Variants in ALPG observed in about 807,000 individuals in gnomAD.
The protein encoded by ALPG is alkaline phosphatase, germ cell type.
In ALPG, 32 loss-of-function variants were observed where a neutral mutation model predicts 48.6. The observed-to-expected ratio is 0.66, with a 90% CI of 0.50 to 0.88. The LOEUF (loss-of-function observed/expected upper bound fraction) is 0.88. ALPG is among the 40% of genes least tolerant of loss of function. The probability of loss-of-function intolerance (pLI) is 0.00; values close to 1 mark genes in which losing one functional copy is unlikely to be tolerated. For missense variants in ALPG, 533 were observed against 718.1 expected, an observed-to-expected ratio of 0.74 and a Z score of 2.95; for synonymous variants, 244 against 308.9, an observed-to-expected ratio of 0.79 and a Z score of 2.20.
At position 232,409,562 on chromosome 2, in the gene ALPG, C is replaced by G. The variant is rs370629663; in HGVS notation, c.1301-12C>G. The G allele has an allele frequency of 1.1e-5, 17 of 1,612,424 alleles. No individual in the cohort carries two copies. In the Admixed American group the frequency reaches 2.0e-4, roughly 19 times the overall value. On this transcript the variant is annotated splice_polypyrimidine_tract_variant and intron_variant, in intron 10 of 10. Transcript: ENST00000295453. ...ACTGAAACTTCCTACTGAAACTGAA[C>G]CCTCCAACCAGGGAGCCCCGAGTAT... is the stretch of plus-strand genomic sequence containing the variant.
At position 232,409,445 on chromosome 2, in the gene ALPG, A is replaced by C. The variant is rs1244697248; in HGVS notation, c.1297A>C (p.Ser433Arg). The C allele has an allele frequency of 6.8e-7, 1 of 1,469,652 alleles. No homozygotes were observed. The allele number at this position is 1,469,652 out of a possible 1,614,324, so 91.0% of individuals were successfully genotyped here. Residue 433 changes from serine to arginine, a missense_variant, in exon 10 of 11, where the codon AGC becomes CGC. Ser to Arg is a moderately radical substitution (Grantham distance 110). Transcript: ENST00000295453. ...GARPDVTESE[S>R]GSPEYRQQSA... ...CCGGCCGGATGTTACGGAGAGCGAG[A>C]GCGGTGAGTGCCGTGGGGTGGCCCC... is the stretch of plus-strand genomic sequence containing the variant.
intron 5 of ALPG, 35 bp from the exon 6 acceptor site, chr2:232,408,232 C>T (rs76299057): frequency 5.0e-6 from 8 of 1,607,632 alleles, no homozygotes; most frequent in Admixed American, 1.7e-5. Flanking sequence ...GCCAGCCAGG[C>T]CCCCAAATCC....
rs1697153546 is a variant in ALPG at position 232,409,654 on chromosome 2, C to T, written c.1381C>T (p.Arg461Cys). ...HAGEDVAVFA[R>C]GPQAHLVHGV... ...AGGCGAGGACGTGGCGGTGTTCGCG[C>T]GCGGCCCGCAGGCGCACCTGGTTCA... The change falls in exon 11 of 11, where the codon CGC becomes TGC. Residue 461 changes from arginine to cysteine, a missense_variant. Physicochemically the swap from Arg to Cys is radical, Grantham distance 180 (BLOSUM62 -3). This residue lies in a region of ALPG where 145 missense variants were observed against 174.3 expected (regional missense o/e 0.83). Coordinates refer to ENST00000295453, the MANE Select transcript of ALPG (RefSeq NM_031313.3). 1.2e-6 allele frequency: 2 copies of T among 1,611,942 alleles called. No individual in the cohort carries two copies. The highest frequency in any genetic ancestry group is 1.7e-6 in the Non-Finnish European group (2 of 1,179,426).
chr2:232,409,966 C>T lies in ALPG; in HGVS notation c.*94C>T, dbSNP rs1130348. 4.8e-5 allele frequency: 69 copies of T among 1,448,692 alleles called. No individual in the cohort carries two copies. The highest frequency in any genetic ancestry group is 1.0e-4 in the South Asian group (7 of 69,306). 89.7% of individuals were successfully genotyped at this position (1,448,692 alleles called of 1,614,324 possible). On this transcript the variant is annotated 3_prime_UTR_variant, in exon 11 of 11. Transcript: ENST00000295453. ...GCCGGACCTCCACCTGGAGCTGTCACCCCCGGAGTCGCCACACAGACGTCC... is the reference window on the plus strand; with the variant it reads ...GCCGGACCTCCACCTGGAGCTGTCATCCCCGGAGTCGCCACACAGACGTCC...
chr2:232,409,364 G>T lies in ALPG; in HGVS notation c.1216G>T (p.Ala406Ser). The T allele has an allele frequency of 1.3e-6, 2 of 1,593,050 alleles. No individual in the cohort carries two copies. Among genetic ancestry groups the T allele is most frequent in the East Asian group, 4.5e-5 (2 of 44,290 alleles). The change falls in exon 10 of 11, where the codon GCC (alanine) becomes TCC (serine). Residue 406 changes from alanine (A) to serine (S), a missense_variant. This residue lies in a region of ALPG where 11 missense variants were observed against 29.7 expected (regional missense o/e 0.37). Transcript: ENST00000295453. ...LAPGKARDRKAYTVLLYGNGP... is the reference protein window; with the variant it reads ...LAPGKARDRKSYTVLLYGNGP... ...CCCTGGCAAGGCCCGGGACAGGAAG[G>T]CCTACACGGTCCTCCTATACGGAAA...
In ALPG at chr2:232,407,922, C is replaced by A. The variant is rs749719597; in HGVS notation, c.553C>A (p.Arg185Ser). The change falls in exon 5 of 11, where the codon CGC becomes AGC. Residue 185 changes from arginine (R) to serine (S), a missense_variant. Physicochemically the swap from Arg to Ser is moderately radical, Grantham distance 110. Coordinates refer to ENST00000295453, the MANE Select transcript of ALPG (RefSeq NM_031313.3). Reference protein sequence around the residue: ...PAGAYAHTVNRNWYSDADVPA... With the variant: ...PAGAYAHTVNSNWYSDADVPA... ...CGGCGCCTACGCCCACACGGTGAAC[C>A]GCAACTGGTACTCGGATGCCGACGT... 1.2e-6 allele frequency: 2 copies of A among 1,613,478 alleles called. No individual in the cohort carries two copies. The highest frequency in any genetic ancestry group is 2.2e-5 in the East Asian group (1 of 44,878).
chr2:232,407,365 G>T lies in ALPG; in HGVS notation c.264G>T (p.Leu88=). 1.2e-6 allele frequency: 2 copies of T among 1,613,902 alleles called. No homozygotes were observed. The highest frequency in any genetic ancestry group is 1.7e-6 in the Non-Finnish European group (2 of 1,180,004). The change falls in exon 3 of 11, where the codon CTG becomes CTT. Residue 88 remains leucine (L), a synonymous_variant. Coordinates refer to ENST00000295453, the MANE Select transcript of ALPG (RefSeq NM_031313.3). ...KKDKLGPETF[L]AMDRFPYVAL... is the part of the protein sequence containing the mutation. ...ACAAACTGGGGCCTGAGACCTTCCTGGCCATGGACCGCTTCCCGTACGTGG... is the reference window on the plus strand; with the variant it reads ...ACAAACTGGGGCCTGAGACCTTCCTTGCCATGGACCGCTTCCCGTACGTGG...
In ALPG at chr2:232,406,877, C is replaced by G. The variant is rs773942071; in HGVS notation, c.-18C>G. 8 of 1,606,934 alleles carry G rather than the reference C, an allele frequency of 5.0e-6. No individual in the cohort carries two copies. Among genetic ancestry groups the G allele is most frequent in the Middle Eastern group, 1.9e-4 (1 of 5,156 alleles). On this transcript the variant is annotated 5_prime_UTR_variant, in exon 1 of 11. Transcript: ENST00000295453. ...TACCTGGGATTTCCGCCTCGCCGCT[C>G]TCCGACTGCTTCCAGACATGCAGGG...
chr2:232,409,983 C>CAG lies in ALPG; in HGVS notation c.*113_*114dup. On this transcript the variant is annotated 3_prime_UTR_variant, in exon 11 of 11. Coordinates refer to ENST00000295453, the MANE Select transcript of ALPG (RefSeq NM_031313.3). ...AGCTGTCACCCCCGGAGTCGCCACA[C>CAG]AGACGTCCTGCCATGGAACCTTCCC... The CAG allele has an allele frequency of 7.0e-7, 1 of 1,420,298 alleles. No homozygotes were observed. The highest frequency in any genetic ancestry group is 1.5e-5 in the South Asian group (1 of 68,144). The allele number at this position is 1,420,298 out of a possible 1,614,324, so 88.0% of individuals were successfully genotyped here.
chr2:232,409,254 A>T, intron 9 of ALPG, 78 bp from the exon 10 acceptor site: 2 of 1,589,274 alleles, frequency 1.3e-6, no homozygotes, highest in Non-Finnish European at 1.7e-6. Context: ...TGACCAGGCA[A>T]AACGTGGCGG....
chr2:232,410,007 C>A lies in ALPG; in HGVS notation c.*135C>A. ...ACAGACGTCCTGCCATGGAACCTTC[C>A]CCTCCCGGTGCACCCTGGGGACCGA... On this transcript the variant is annotated 3_prime_UTR_variant, in exon 11 of 11. Transcript: ENST00000295453. 2.3e-6 allele frequency: 3 copies of A among 1,326,928 alleles called. No individual in the cohort carries two copies. Among genetic ancestry groups the A allele is most frequent in the Non-Finnish European group, 3.0e-6 (3 of 1,000,440 alleles). The allele number at this position is 1,326,928 out of a possible 1,614,324, so 82.2% of individuals were successfully genotyped here. A position where few individuals can be genotyped will look rare whatever the true frequency, so the allele number is the denominator to read the frequency against.
In ALPG at chr2:232,407,835, T is replaced by C. The variant is rs934677799; in HGVS notation, c.476-10T>C. 6.2e-7 allele frequency: 1 copy of C among 1,613,508 alleles called. No homozygotes were observed. ...CCTCTATCGCATATCCTGACCTCTA[T>C]CACCCTCAGGAAAGTCAGTGGGAGT... On this transcript the variant is annotated splice_polypyrimidine_tract_variant and intron_variant, in intron 4 of 10. Transcript: ENST00000295453.
intron 3 of ALPG, 87 bp from the exon 4 acceptor site, chr2:232,407,507 G>A (rs1203265378): frequency 1.3e-6 from 2 of 1,595,392 alleles, no homozygotes; most frequent in Non-Finnish European, 8.5e-7. Flanking sequence ...CCAATAAGGA[G>A]CTGGAGGCAG....
At position 232,409,690 on chromosome 2, in the gene ALPG, G is replaced by A. The variant is rs1697154416; in HGVS notation, c.1417G>A (p.Glu473Lys). 6.2e-7 allele frequency: 1 copy of A among 1,611,576 alleles called. No homozygotes were observed. The highest frequency in any genetic ancestry group is 8.5e-7 in the Non-Finnish European group (1 of 1,179,200). ...PQAHLVHGVQ[E>K]QTFIAHVMAF... ...GGCGCACCTGGTTCACGGCGTGCAG[G>A]AGCAGACCTTCATAGCGCACGTCAT... is the stretch of plus-strand genomic sequence containing the variant. Residue 473 changes from glutamate (E) to lysine (K), a missense_variant, in exon 11 of 11, where the codon GAG (glutamate) becomes AAG (lysine). Coordinates refer to ENST00000295453, the MANE Select transcript of ALPG (RefSeq NM_031313.3).
At position 232,408,227 on chromosome 2, in the gene ALPG, C is replaced by G. The variant is rs182567124; in HGVS notation, c.649-40C>G. The G allele has an allele frequency of 1.2e-3, 1,959 of 1,609,968 alleles. 32 individuals are homozygous for G. The African/African-American group carries it at 0.023, about 19-fold the overall frequency. On this transcript the variant is annotated intron_variant, in intron 5 of 10. Coordinates refer to ENST00000295453, the MANE Select transcript of ALPG (RefSeq NM_031313.3). Reference sequence around the variant, plus strand: ...GCATGAGGAGGGGACACGGGGCCAGCCAGGCCCCCAAATCCACCTGCCCCA... The same window carrying G: ...GCATGAGGAGGGGACACGGGGCCAGGCAGGCCCCCAAATCCACCTGCCCCA...
Position 232,407,818 on chromosome 2 carries a change from G to A in ALPG, c.476-27G>A, listed in dbSNP as rs6728119. The A allele has an allele frequency of 3.1e-4, 503 of 1,613,562 alleles. 2 individuals carry two copies. Among genetic ancestry groups the A allele is most frequent in the Non-Finnish European group, 3.7e-4 (440 of 1,179,958 alleles). ...CAGGGCCAGGTGACAGACCTCTATC[G>A]CATATCCTGACCTCTATCACCCTCA... is the stretch of plus-strand genomic sequence containing the variant. On this transcript the variant is annotated intron_variant, in intron 4 of 10. Transcript: ENST00000295453.
chr2:232,406,890 C>G lies in ALPG; in HGVS notation c.-5C>G, dbSNP rs1334372488. 1 of 1,611,026 alleles carries G rather than the reference C, an allele frequency of 6.2e-7. No homozygotes were observed. The highest frequency in any genetic ancestry group is 8.5e-7 in the Non-Finnish European group (1 of 1,179,032). Reference sequence around the variant, plus strand: ...CGCCTCGCCGCTCTCCGACTGCTTCCAGACATGCAGGGGCCCTGGGTGCTG... The same window carrying G: ...CGCCTCGCCGCTCTCCGACTGCTTCGAGACATGCAGGGGCCCTGGGTGCTG... On this transcript the variant is annotated 5_prime_UTR_variant, in exon 1 of 11. Coordinates refer to ENST00000295453, the MANE Select transcript of ALPG (RefSeq NM_031313.3).
rs200330617 is a variant in ALPG at position 232,407,408 on chromosome 2, G to T, written c.300+7G>T. ...GTACGTGGCTCTGTCCAAGGTAAGT[G>T]CTGGGCTACCTTAGAGTCCTCCAAG... is the stretch of plus-strand genomic sequence containing the variant. On this transcript the variant is annotated splice_region_variant and intron_variant, in intron 3 of 10. Transcript: ENST00000295453. The T allele has an allele frequency of 6.4e-5, 103 of 1,613,452 alleles. No homozygotes were observed. In the Admixed American group the frequency reaches 1.7e-3, roughly 27 times the overall value.
rs137976988 is a variant in ALPG at position 232,409,616 on chromosome 2, G to A, written c.1343G>A (p.Gly448Glu). 1,145 of 1,611,090 alleles carry A rather than the reference G, an allele frequency of 7.1e-4. 4 individuals carry two copies. Among genetic ancestry groups the A allele is most frequent in the South Asian group, 3.8e-3 (347 of 90,796 alleles). ...YRQQSAVPLD[G>E]ETHAGEDVAV... ...CAGCAGTCAGCAGTGCCCCTGGACG[G>A]AGAGACCCACGCAGGCGAGGACGTG... The change falls in exon 11 of 11, where the codon GGA (glycine) becomes GAA (glutamate). Residue 448 changes from glycine (G) to glutamate (E), a missense_variant. This residue lies in a region of ALPG where 145 missense variants were observed against 174.3 expected (regional missense o/e 0.83). Transcript: ENST00000295453.
Sources: allele counts gnomAD v4.1 joint callset, GRCh38; gene constraint gnomAD v4.1.1; regional missense constraint gnomAD v4.1.1; transcripts MANE v1.5; gene names NCBI Gene and HGNC (gene_info 2026-07-23, HGNC 2026-07-21).